Variants in GAS7 observed in about 807,000 individuals in gnomAD.
GAS7 encodes the protein growth arrest-specific protein 7.
A neutral mutation model predicts 71.1 loss-of-function variants in GAS7; 28 were observed. The observed-to-expected ratio is 0.39, with a 90% CI of 0.29 to 0.54. The LOEUF is 0.54. Ranked by LOEUF, GAS7 falls within the 20% of genes least tolerant of loss-of-function variation. The pLI is 0.62. For synonymous variants in GAS7, 258 were observed against 245.8 expected (o/e 1.05, Z -0.46); for missense variants, 436 against 627.8 (o/e 0.69, Z 3.27).
chr17:10,065,088 C>A (rs137966601), intron 1 of GAS7, among the ~76,000 whole-genome samples: 5 of 152,298 alleles, frequency 3.3e-5, no homozygotes, highest in African/African-American at 1.2e-4. Flanking sequence ...TCCCAAAGAG[C>A]TGGGATTACA....
intron 1 of GAS7, among the ~76,000 whole-genome samples, chr17:10,106,231 T>A (rs1424374555): frequency 1.3e-5 from 2 of 152,196 alleles, no homozygotes; most frequent in African/African-American, 4.8e-5. Context: ...TTGGAGCACC[T>A]GCCCTGCTTC....
intron 1 of GAS7, among the ~76,000 whole-genome samples, chr17:10,066,873 A>G (rs2152244969): frequency 6.6e-6 from 1 of 152,204 alleles, no homozygotes; most frequent in South Asian, 2.1e-4. Flanking sequence ...TGGGAGCCAG[A>G]CTGCCTGGGT....
intron 1 of GAS7, among the ~76,000 whole-genome samples, chr17:10,037,137 T>C (rs542271712): frequency 2.0e-5 from 3 of 152,362 alleles, no homozygotes; most frequent in Non-Finnish European, 4.4e-5. Context: ...GCCTTCACTC[T>C]GCCCTCGCCA....
At chr17:10,177,278 G>A (rs1310325469) in intron 1 of GAS7, among the ~76,000 whole-genome samples, 1 of 152,190 alleles carries the variant, frequency 6.6e-6, no homozygotes, top group East Asian at 1.9e-4. Flanking sequence ...CTGCAGCCGA[G>A]CAAAGGCACA....
intron 1 of GAS7, 48 bp downstream of exon 1, chr17:10,198,160 C>A (rs763868501): frequency 1.3e-6 from 2 of 1,562,884 alleles, no homozygotes; most frequent in Non-Finnish European, 1.7e-6. Context: ...CGCGAGCGCA[C>A]CGAGGACCGC....
intron 1 of GAS7, among the ~76,000 whole-genome samples, chr17:10,176,986 C>T (rs1203486981): frequency 2.6e-5 from 4 of 152,134 alleles, no homozygotes; most frequent in Non-Finnish European, 5.9e-5. Flanking sequence ...TTCAGAGACA[C>T]CAAGCACCAT....
chr17:10,076,313 AGGGAG>A (rs377676783), intron 1 of GAS7, among the ~76,000 whole-genome samples: 1,769 of 56,238 alleles, frequency 0.031, 148 homozygotes, highest in African/African-American at 0.13. Flanking sequence ...CGGGAGGAGA[AGGGAG>A]GGGAGGGGAA....
At chr17:10,117,694 T>C (rs2073872538) in intron 1 of GAS7, among the ~76,000 whole-genome samples, 1 of 152,094 alleles carries the variant, frequency 6.6e-6, no homozygotes, top group African/African-American at 2.4e-5. Context: ...AGAAGCACGA[T>C]GTGTTCAGAC....
chr17:10,094,627 CCTGA>C (rs1339224269), intron 1 of GAS7, among the ~76,000 whole-genome samples: 1 of 152,050 alleles, frequency 6.6e-6, no homozygotes, highest in Non-Finnish European at 1.5e-5. Context: ...CGCCACCACG[CCTGA>C]CTAATTTTTT....
chr17:9,978,008 T>G (rs1390545209), intron 3 of GAS7, among the ~76,000 whole-genome samples: 2 of 152,060 alleles, frequency 1.3e-5, no homozygotes, highest in African/African-American at 4.8e-5. Flanking sequence ...ATTCTGAGTT[T>G]GAAACCAGCC....
chr17:10,177,307 C>A (rs1437024991), intron 1 of GAS7, among the ~76,000 whole-genome samples: 2 of 152,078 alleles, frequency 1.3e-5, no homozygotes, highest in Non-Finnish European at 2.9e-5. Flanking sequence ...AGGTTGCTTC[C>A]CGCTCCCCAG....
At chr17:9,923,744 A>G (rs75030609) in intron 11 of GAS7, among the ~76,000 whole-genome samples, 1,917 of 152,368 alleles carry the variant, frequency 0.013, 43 homozygotes, top group African/African-American at 0.043. Context: ...ATCAAGACGA[A>G]TAATACCCTT....
chr17:10,024,055 C>T (rs925009690), intron 1 of GAS7, among the ~76,000 whole-genome samples: 2 of 152,032 alleles, frequency 1.3e-5, no homozygotes, highest in African/African-American at 2.4e-5. Context: ...ACCTGGGAGG[C>T]GGAGGTTGCC....
Position 9,919,818 on chromosome 17 carries a change from G to A in GAS7, c.1139-113C>T, listed in dbSNP as rs138247710. On this transcript the variant is annotated intron_variant, in intron 11 of 13. Transcript: ENST00000432992. The surrounding 1 kb of genome is among the most constrained non-coding windows in gnomAD (Gnocchi z 5.0). ...TCCTCCCCCTGGGGTCATGGTGGCC[G>A]CTGGAAAGCTGGAAAAGGGATGGCA... 2,640 of 792,910 alleles carry A rather than the reference G, an allele frequency of 3.3e-3. 10 individuals carry two copies. Among genetic ancestry groups the A allele is most frequent in the African/African-American group, 7.0e-3 (416 of 59,766 alleles). The allele number at this position is 792,910 out of a possible 1,614,324, so 49.1% of individuals were successfully genotyped here.
At chr17:9,949,730 T>G (rs1176863188) in intron 5 of GAS7, among the ~76,000 whole-genome samples, 3 of 152,162 alleles carry the variant, frequency 2.0e-5, no homozygotes, top group Middle Eastern at 3.2e-3. Context: ...CACCAAATTC[T>G]GCCAAGGATA....
chr17:10,178,423 T>A (rs1380415227), intron 1 of GAS7, among the ~76,000 whole-genome samples: 1 of 151,940 alleles, frequency 6.6e-6, no homozygotes, highest in African/African-American at 2.4e-5. Context: ...GGAGTCTGGC[T>A]TCATGTCCAC....
intron 1 of GAS7, among the ~76,000 whole-genome samples, chr17:10,110,552 G>A (rs767293633): frequency 9.2e-5 from 14 of 152,132 alleles, no homozygotes; most frequent in Admixed American, 2.0e-4. Context: ...GGCAACCTCC[G>A]TCTCCCGGGT....
At chr17:10,085,976 A>G (rs992293838) in intron 1 of GAS7, among the ~76,000 whole-genome samples, 8 of 152,164 alleles carry the variant, frequency 5.3e-5, no homozygotes, top group East Asian at 1.9e-4. Context: ...TCAAGAAACA[A>G]TCAGTCACTG....
At chr17:9,977,702 TAGCACCCAACATTCAA>T (rs1820922762) in intron 3 of GAS7, among the ~76,000 whole-genome samples, 1 of 125,910 alleles carries the variant, frequency 7.9e-6, no homozygotes, top group African/African-American at 3.0e-5. Flanking sequence ...TGATCCTAAG[TAGCACCCAACATTCAA>T]AGACTGGAGT....
Sources: allele counts gnomAD v4.1 joint callset (sites outside exome capture counted in the v4.1 genomes callset), GRCh38; gene constraint gnomAD v4.1.1; non-coding constraint Gnocchi (gnomAD v3.1); transcripts MANE v1.5; gene names NCBI Gene and HGNC (gene_info 2026-07-23, HGNC 2026-07-21).